DOCK1: variants seen among roughly 807,000 people sequenced by gnomAD.
DOCK1 encodes the protein dedicator of cytokinesis 1.
DOCK1 carries 138 observed loss-of-function variants against 262.7 expected under a neutral mutation model. That is an observed-to-expected ratio of 0.53 (90% CI 0.46 to 0.61). The LOEUF is 0.61. Ranked by LOEUF, DOCK1 falls within the 20% of genes least tolerant of loss-of-function variation. The probability of loss-of-function intolerance (pLI) is 0.00; values close to 1 mark genes in which losing one functional copy is unlikely to be tolerated. For synonymous variants in DOCK1, 866 were observed against 867.4 expected (o/e 1.00, Z 0.03); for missense variants, 1,908 against 2,370.7 (o/e 0.80, Z 4.05).
intron 23 of DOCK1, among the ~76,000 whole-genome samples, chr10:127,091,419 A>C (rs1420795150): frequency 6.6e-6 from 1 of 152,170 alleles, no homozygotes; most frequent in East Asian, 1.9e-4. Flanking sequence ...TACTTCAGTG[A>C]GTTGTGAAGG....
At chr10:127,379,565 A>C (rs892975046) in intron 35 of DOCK1, among the ~76,000 whole-genome samples, 1 of 152,136 alleles carries the variant, frequency 6.6e-6, no homozygotes, top group African/African-American at 2.4e-5. Context: ...ATGTTAGTTA[A>C]ATTTACTTTA....
intron 27 of DOCK1, among the ~76,000 whole-genome samples, chr10:127,197,100 G>A (rs1472453615): frequency 3.3e-5 from 5 of 152,144 alleles, no homozygotes; most frequent in African/African-American, 1.2e-4. Context: ...GCTCCAACCT[G>A]GTGTCAGCCT....
intron 6 of DOCK1, among the ~76,000 whole-genome samples, chr10:126,992,737 G>GACACAC (rs34596370): frequency 0.018 from 2,379 of 133,390 alleles, 59 homozygotes; most frequent in Admixed American, 0.053. Context: ...CCCCAACACA[G>GACACAC]ACACACACAC....
chr10:127,315,813 C>T (rs774673449), intron 29 of DOCK1, among the ~76,000 whole-genome samples: 3 of 152,162 alleles, frequency 2.0e-5, no homozygotes, highest in Admixed American at 2.0e-4. Context: ...ATTCTCCTGC[C>T]TCAGCCTACC....
chr10:127,342,452 T>G (rs2063476140), intron 30 of DOCK1, among the ~76,000 whole-genome samples: 1 of 152,160 alleles, frequency 6.6e-6, no homozygotes, highest in Admixed American at 6.5e-5. Context: ...TCTCTAAATC[T>G]CAGCTCTGCA....
chr10:127,170,340 C>T (rs1019140211), intron 27 of DOCK1, among the ~76,000 whole-genome samples: 7 of 152,200 alleles, frequency 4.6e-5, no homozygotes, highest in South Asian at 2.1e-4. Flanking sequence ...TGCTCTCTCC[C>T]CCTACCCCAA....
chr10:127,247,923 C>G (rs1244878263), intron 27 of DOCK1, 85 bp from the exon 28 acceptor site: 1 of 1,337,962 alleles, frequency 7.5e-7, no homozygotes, highest in Non-Finnish European at 1.0e-6. Flanking sequence ...CTGACAGTTT[C>G]AAGTCCCAGA....
intron 12 of DOCK1, among the ~76,000 whole-genome samples, chr10:127,015,554 G>A (rs1438181732): frequency 1.3e-5 from 2 of 151,902 alleles, no homozygotes; most frequent in Non-Finnish European, 2.9e-5. Context: ...TGGAGCGAGC[G>A]GGTCTTCCTA....
intron 10 of DOCK1, among the ~76,000 whole-genome samples, chr10:127,004,784 C>CCA (rs1554970531): frequency 2.2e-4 from 22 of 98,402 alleles, no homozygotes; most frequent in Admixed American, 3.6e-4. Context: ...CCCCCCGCCC[C>CCA]AAAAAAAAGA....
chr10:127,289,507 G>A (rs1356439724), intron 29 of DOCK1, among the ~76,000 whole-genome samples: 3 of 152,142 alleles, frequency 2.0e-5, no homozygotes, highest in Non-Finnish European at 4.4e-5. Context: ...GAAGGCAAAT[G>A]CATATGACAA....
intron 19 of DOCK1, among the ~76,000 whole-genome samples, chr10:127,041,793 G>A (rs973811813): frequency 1.3e-5 from 2 of 152,194 alleles, no homozygotes; most frequent in African/African-American, 4.8e-5. Context: ...CCCTTTGTAT[G>A]TCCCTAATGA....
At chr10:127,183,158 T>TC (rs2055899876) in intron 27 of DOCK1, among the ~76,000 whole-genome samples, 2 of 145,702 alleles carry the variant, frequency 1.4e-5, no homozygotes, top group African/African-American at 5.0e-5. Flanking sequence ...ATTGATTTTT[T>TC]CCCCCCTAAA....
At chr10:126,948,734 A>G (rs1205793419) in intron 1 of DOCK1, among the ~76,000 whole-genome samples, 2 of 152,106 alleles carry the variant, frequency 1.3e-5, no homozygotes, top group South Asian at 2.1e-4. Context: ...TGCAGCTGCC[A>G]TCCAGCCTGG....
chr10:127,314,278 A>T (rs2062178239), intron 29 of DOCK1, among the ~76,000 whole-genome samples: 1 of 152,284 alleles, frequency 6.6e-6, no homozygotes, highest in South Asian at 2.1e-4. Flanking sequence ...GTGTGTGTTT[A>T]TAAGTATGAT....
At chr10:127,034,811 G>C (rs1412855308) in intron 18 of DOCK1, among the ~76,000 whole-genome samples, 1 of 152,228 alleles carries the variant, frequency 6.6e-6, no homozygotes, top group Non-Finnish European at 1.5e-5. Flanking sequence ...CTGAGCTGCG[G>C]TTAGGTGATG....
At chr10:127,311,815 G>A (rs531809855) in intron 29 of DOCK1, among the ~76,000 whole-genome samples, 1 of 152,210 alleles carries the variant, frequency 6.6e-6, no homozygotes, top group East Asian at 1.9e-4. Flanking sequence ...TGCTTAAATT[G>A]ACTCCTACAT....
Position 127,380,126 on chromosome 10 carries a change from T to A in DOCK1, c.3716+4T>A. The A allele has an allele frequency of 6.7e-7, 1 of 1,501,832 alleles. No individual in the cohort carries two copies. The highest frequency in any genetic ancestry group is 2.1e-5 in the Admixed American group (1 of 47,206). 93.0% of individuals were successfully genotyped at this position (1,501,832 alleles called of 1,614,324 possible). ...AAAGAGAAGAAATGTATATAAGGTATGTATGCATCACGCTTGTCTGCATGT... is the reference window on the plus strand; with the variant it reads ...AAAGAGAAGAAATGTATATAAGGTAAGTATGCATCACGCTTGTCTGCATGT... On this transcript the variant is annotated splice_donor_region_variant and intron_variant, in intron 36 of 51. Coordinates refer to ENST00000623213, the MANE Select transcript of DOCK1 (RefSeq NM_001290223.2).
chr10:127,412,208 C>T (rs935493714), intron 43 of DOCK1, among the ~76,000 whole-genome samples: 3 of 152,102 alleles, frequency 2.0e-5, no homozygotes, highest in Admixed American at 6.5e-5. Context: ...GTGATCCCCC[C>T]GCCTCAGCCT....
At chr10:127,033,032 A>G (rs2043348197) in intron 18 of DOCK1, among the ~76,000 whole-genome samples, 1 of 152,198 alleles carries the variant, frequency 6.6e-6, no homozygotes, top group South Asian at 2.1e-4. Flanking sequence ...AGTCTTCTGC[A>G]CATTTCTGGG....
Sources: gnomAD v4.1 joint callset for allele counts (sites outside exome capture counted in the v4.1 genomes callset) on GRCh38, gnomAD v4.1.1 for gene constraint, MANE v1.5 for transcripts, NCBI Gene and HGNC (gene_info 2026-07-23, HGNC 2026-07-21) for gene names.